Variants in ZFHX4 observed in about 807,000 individuals in gnomAD.
ZFHX4 encodes the protein zinc finger homeobox protein 4.
Under a neutral mutation model 267.6 loss-of-function variants are expected in ZFHX4, and 56 were observed. That is an observed-to-expected ratio of 0.21 (90% confidence interval 0.17 to 0.26). The LOEUF (loss-of-function observed/expected upper bound fraction) is 0.26, where lower values mean the gene tolerates loss of function less well. ZFHX4 is among the 10% of genes least tolerant of loss of function. ZFHX4 has a pLI of 1.00. For synonymous variants in ZFHX4, 1,778 were observed against 1,665.6 expected (o/e 1.07, Z -1.64); for missense variants, 4,332 against 4,420.0 (o/e 0.98, Z 0.56).
intron 1 of ZFHX4, among the ~76,000 whole-genome samples, chr8:76,696,592 G>T (rs1266931265): frequency 2.7e-5 from 4 of 147,972 alleles, no homozygotes; most frequent in African/African-American, 1.0e-4. Flanking sequence ...TTACTGAATT[G>T]CTCACTTCAC....
At chr8:76,725,842 C>T (rs558119299) in intron 3 of ZFHX4, among the ~76,000 whole-genome samples, 1 of 152,272 alleles carries the variant, frequency 6.6e-6, no homozygotes, top group African/African-American at 2.4e-5. Flanking sequence ...ATTGCAAGGA[C>T]ATTTCGAAGT....
At chr8:76,712,970 T>C (rs905696886) in intron 3 of ZFHX4, among the ~76,000 whole-genome samples, 1 of 152,178 alleles carries the variant, frequency 6.6e-6, no homozygotes, top group Non-Finnish European at 1.5e-5. Flanking sequence ...ATAATACTTA[T>C]AACTTATAAA....
intron 3 of ZFHX4, among the ~76,000 whole-genome samples, chr8:76,743,034 C>A (rs1809361786): frequency 6.6e-6 from 1 of 152,124 alleles, no homozygotes; most frequent in Non-Finnish European, 1.5e-5. Context: ...TCTTTTCAAA[C>A]ATTTACATAT....
At chr8:76,795,576 C>T (rs113937248) in intron 4 of ZFHX4, among the ~76,000 whole-genome samples, 1,494 of 113,708 alleles carry the variant, frequency 0.013, 8 homozygotes, top group Non-Finnish European at 0.017. Flanking sequence ...GACGGAGTTT[C>T]GCTCTTATTG....
Position 76,863,592 on chromosome 8 carries a change from T to G in ZFHX4, c.9878T>G (p.Met3293Arg). The change falls in exon 11 of 11, where the codon ATG becomes AGG. Residue 3293 changes from methionine (M) to arginine (R), a missense_variant. Met to Arg is a moderately conservative substitution (Grantham distance 91). Around this residue, in one of 7 missense-constraint regions of ZFHX4, gnomAD observed 1,648 missense variants for 1,625.0 expected, o/e 1.01. Coordinates refer to ENST00000651372, the MANE Select transcript of ZFHX4 (RefSeq NM_024721.5). ...QGGYFPPVCG[M>R]ESLFPYGPTM... ...GGATACTTCCCACCTGTCTGTGGCATGGAGAGCCTCTTTCCTTATGGCCCT... is the reference window on the plus strand; with the variant it reads ...GGATACTTCCCACCTGTCTGTGGCAGGGAGAGCCTCTTTCCTTATGGCCCT... 6.2e-7 allele frequency: 1 copy of G among 1,613,776 alleles called. No individual in the cohort carries two copies. The highest frequency in any genetic ancestry group is 8.5e-7 in the Non-Finnish European group (1 of 1,179,816).
intron 5 of ZFHX4, 119 bp downstream of exon 5, chr8:76,833,525 G>T: frequency 1.4e-6 from 1 of 701,034 alleles, no homozygotes; most frequent in Non-Finnish European, 2.3e-6. Context: ...CTGATCATAT[G>T]CCTTATTCAA....
Position 76,853,227 on chromosome 8 carries a change from G to A in ZFHX4, c.6306G>A (p.Met2102Ile). The A allele has an allele frequency of 6.4e-7, 1 of 1,571,304 alleles. No individual in the cohort carries two copies. The highest frequency in any genetic ancestry group is 8.6e-7 in the Non-Finnish European group (1 of 1,157,906). The change falls in exon 10 of 11, where the codon ATG (methionine) becomes ATA (isoleucine). Residue 2102 changes from methionine (M) to isoleucine (I), a missense_variant. Coordinates refer to ENST00000651372, the MANE Select transcript of ZFHX4 (RefSeq NM_024721.5). Reference protein sequence around the residue: ...PPQLALQLPQMDALSADLTQL... With the variant: ...PPQLALQLPQIDALSADLTQL... ...AGCTTGCCCTGCAGCTGCCACAGAT[G>A]GACGCACTCTCTGCAGACCTCACCC...
Position 76,851,534 on chromosome 8 carries a change from C to T in ZFHX4, c.4613C>T (p.Ser1538Phe), listed in dbSNP as rs745853391. ...ACGATGGAAAAATTCCTTGATCCAT[C>T]TCGTCCATATAAATGTACAGTGTGT... ...NFTMEKFLDP[S>F]RPYKCTVCKE... Residue 1538 changes from serine (S) to phenylalanine (F), a missense_variant, in exon 10 of 11, where the codon TCT (serine) becomes TTT (phenylalanine). By Grantham distance (155) the Ser-to-Phe change is radical. Around this residue, in one of 7 missense-constraint regions of ZFHX4, gnomAD observed 1,371 missense variants for 1,423.1 expected, o/e 0.96. Coordinates refer to ENST00000651372, the MANE Select transcript of ZFHX4 (RefSeq NM_024721.5). The T allele has an allele frequency of 2.5e-6, 4 of 1,613,808 alleles. No individual in the cohort carries two copies. In the Admixed American group the frequency reaches 6.7e-5, roughly 27 times the overall value.
At chr8:76,820,540 G>T (rs1811622240) in intron 4 of ZFHX4, among the ~76,000 whole-genome samples, 1 of 152,112 alleles carries the variant, frequency 6.6e-6, no homozygotes, top group Non-Finnish European at 1.5e-5. Flanking sequence ...TGGGTGTGTG[G>T]AAAAGAGTAC....
intron 6 of ZFHX4, among the ~76,000 whole-genome samples, chr8:76,845,559 C>T (rs1237257217): frequency 6.6e-6 from 1 of 151,902 alleles, no homozygotes; most frequent in African/African-American, 2.4e-5. Context: ...TCTGTTATAT[C>T]CAAGTTTTAT....
chr8:76,853,698 C>T lies in ZFHX4; in HGVS notation c.6777C>T (p.Leu2259=), dbSNP rs753238198. The change falls in exon 10 of 11, where the codon CTC becomes CTT. Residue 2259 remains leucine (L), a synonymous_variant. Coordinates refer to ENST00000651372, the MANE Select transcript of ZFHX4 (RefSeq NM_024721.5). ...AYPKDDEIEQ[L]STVLNLPTRV... is the part of the protein sequence containing the mutation. ...CAAAAGATGATGAAATAGAACAACT[C>T]TCCACTGTTCTCAATCTGCCTACCC... 1 of 1,613,652 alleles carries T rather than the reference C, an allele frequency of 6.2e-7. No homozygotes were observed. Among genetic ancestry groups the T allele is most frequent in the South Asian group, 1.1e-5 (1 of 91,046 alleles).
chr8:76,805,930 AT>A (rs751912830), intron 4 of ZFHX4, among the ~76,000 whole-genome samples: 4 of 152,108 alleles, frequency 2.6e-5, no homozygotes, highest in Admixed American at 6.6e-5. Flanking sequence ...AATGCAACAA[AT>A]TTATCTAGAA....
chr8:76,785,055 AT>A (rs1241193082), intron 4 of ZFHX4, among the ~76,000 whole-genome samples: 6 of 152,138 alleles, frequency 3.9e-5, no homozygotes, highest in African/African-American at 1.4e-4. Context: ...ATCTGATGAA[AT>A]TTTAATATGC....
In ZFHX4 at chr8:76,704,586, C is replaced by T. The variant is rs1463023515; in HGVS notation, c.498C>T (p.Phe166=). The change falls in exon 2 of 11, where the codon TTC becomes TTT. Residue 166 remains phenylalanine, a synonymous_variant. Transcript: ENST00000651372. The part of the protein sequence containing the change: ...ANSKLFSTAM[F]LDSLASAGEK... ...GCAAACTCTTTTCTACAGCGATGTT[C>T]CTGGACTCCCTGGCATCTGCTGGAG... The T allele has an allele frequency of 6.2e-7, 1 of 1,613,920 alleles. No homozygotes were observed. Among genetic ancestry groups the T allele is most frequent in the Non-Finnish European group, 8.5e-7 (1 of 1,179,874 alleles).
chr8:76,766,811 T>A (rs150643410), intron 3 of ZFHX4, among the ~76,000 whole-genome samples: 1 of 151,986 alleles, frequency 6.6e-6, no homozygotes, highest in African/African-American at 2.4e-5. Flanking sequence ...ATGGTATTGT[T>A]ATTACTTTTC....
intron 3 of ZFHX4, among the ~76,000 whole-genome samples, chr8:76,728,505 G>T (rs1234228124): frequency 6.6e-6 from 1 of 152,170 alleles, no homozygotes; most frequent in Admixed American, 6.6e-5. Flanking sequence ...GGAAATCAGT[G>T]AGTGAAAAAG....
rs772810546 is a variant in ZFHX4 at position 76,704,308 on chromosome 8, G to A, written c.220G>A (p.Val74Ile). 1.4e-5 allele frequency: 23 copies of A among 1,613,852 alleles called. No homozygotes were observed. Among genetic ancestry groups the A allele is most frequent in the Non-Finnish European group, 1.9e-5 (22 of 1,179,896 alleles). Residue 74 changes from valine to isoleucine, a missense_variant, in exon 2 of 11, where the codon GTT becomes ATT. Physicochemically the swap from Val to Ile is conservative, Grantham distance 29. Transcript: ENST00000651372. ...CGTTGAGAATGCAGCTGCCACTCAG[G>A]TTACCTCAGCAAAGGAGATACCCTG... ...FSVENAAATQ[V>I]TSAKEIPCNE...
Position 76,853,810 on chromosome 8 carries a change from A to G in ZFHX4, c.6889A>G (p.Arg2297Gly), listed in dbSNP as rs775758872. The change falls in exon 10 of 11, where the codon AGA becomes GGA. Residue 2297 changes from arginine to glycine, a missense_variant. By Grantham distance (125) the Arg-to-Gly change is moderately radical. This residue lies in a region of ZFHX4 where 1,648 missense variants were observed against 1,625.0 expected (regional missense o/e 1.01). Transcript: ENST00000651372. ...AGCAGAAACAAAAGATAATGAAAAA[A>G]GAGAACTCACTAATGAACGGTACAT... ...NQAETKDNEK[R>G]ELTNERYIRT... is the part of the protein sequence containing the mutation. 12 of 1,613,872 alleles carry G rather than the reference A, an allele frequency of 7.4e-6. 1 individual carries two copies. The Admixed American group carries it at 2.0e-4, about 27-fold the overall frequency.
intron 1 of ZFHX4, among the ~76,000 whole-genome samples, chr8:76,695,228 G>A (rs558984181): frequency 6.6e-6 from 1 of 152,268 alleles, no homozygotes; most frequent in African/African-American, 2.4e-5. Flanking sequence ...ATTATTTTAA[G>A]GGATATGTTG....
Sources: gnomAD v4.1 joint callset for allele counts (sites outside exome capture counted in the v4.1 genomes callset) on GRCh38, gnomAD v4.1.1 for gene constraint, gnomAD v4.1.1 regional missense constraint, MANE v1.5 for transcripts, NCBI Gene and HGNC (gene_info 2026-07-23, HGNC 2026-07-21) for gene names.